The following CHRM3 variants were observed in gnomAD, a reference collection of about 807,000 sequenced individuals.
CHRM3 encodes muscarinic acetylcholine receptor M3.
In CHRM3, 11 loss-of-function variants were observed where a neutral mutation model predicts 41.8. The ratio of observed to expected loss-of-function variants is 0.26; its 90% confidence interval spans 0.17 to 0.44. The LOEUF is 0.44. CHRM3 is among the 20% of genes least tolerant of loss of function. CHRM3 has a pLI of 1.00. For missense variants in CHRM3, 571 were observed against 745.4 expected (o/e 0.77, Z 2.72); for synonymous variants, 297 against 301.4 (o/e 0.99, Z 0.15).
chr1:239,911,335 G>A lies in CHRM3; in HGVS notation c.*2111G>A, dbSNP rs951437183. 2.4e-5 allele frequency: 4 copies of A among 166,454 alleles called. No individual in the cohort carries two copies. The highest frequency in any genetic ancestry group is 6.6e-5 in the Admixed American group (1 of 15,218). The allele number at this position is 166,454 out of a possible 1,614,324, so 10.3% of individuals were successfully genotyped here. ...ACCAAAGAACAAGAAAGAAACAGAC[G>A]ATTTTCTAATATGTACACAGCAAAC... On this transcript the variant is annotated 3_prime_UTR_variant, in exon 7 of 7. Coordinates refer to ENST00000676153, the MANE Select transcript of CHRM3 (RefSeq NM_001375978.1).
chr1:239,833,047 C>A (rs1182409683), intron 6 of CHRM3, among the ~76,000 whole-genome samples: 1 of 152,096 alleles, frequency 6.6e-6, no homozygotes, highest in Non-Finnish European at 1.5e-5. Flanking sequence ...CTGACAAAAC[C>A]ATCTCTGGAC....
intron 5 of CHRM3, among the ~76,000 whole-genome samples, chr1:239,803,727 G>A (rs576505281): frequency 6.6e-6 from 1 of 152,286 alleles, no homozygotes; most frequent in South Asian, 2.1e-4. Flanking sequence ...GGAAGGCAGG[G>A]GGTAGGTGAT....
At chr1:239,573,032 A>C (rs1661976133) in intron 3 of CHRM3, among the ~76,000 whole-genome samples, 1 of 152,122 alleles carries the variant, frequency 6.6e-6, no homozygotes. Context: ...GTTCTTGGGC[A>C]TTTGGAGGGT....
chr1:239,741,428 T>C (rs1490762392), intron 5 of CHRM3, among the ~76,000 whole-genome samples: 1 of 152,148 alleles, frequency 6.6e-6, no homozygotes, highest in Non-Finnish European at 1.5e-5. Flanking sequence ...ATGACCTTCT[T>C]CAAGGAAGGT....
At chr1:239,499,104 G>A (rs1335373877) in intron 2 of CHRM3, among the ~76,000 whole-genome samples, 1 of 152,122 alleles carries the variant, frequency 6.6e-6, no homozygotes, top group Non-Finnish European at 1.5e-5. Context: ...TTGAAAGGTA[G>A]AAGTGCGTAT....
chr1:239,861,460 A>G (rs1439009571), intron 6 of CHRM3, among the ~76,000 whole-genome samples: 3 of 152,116 alleles, frequency 2.0e-5, no homozygotes, highest in Admixed American at 6.5e-5. Flanking sequence ...AAAAAGAAAC[A>G]TGACCAGCAT....
At chr1:239,764,381 A>G (rs1034897442) in intron 5 of CHRM3, among the ~76,000 whole-genome samples, 5 of 152,200 alleles carry the variant, frequency 3.3e-5, no homozygotes, top group Admixed American at 6.5e-5. Context: ...GAAGGAAAAG[A>G]GGAAAGAATT....
rs572790918 is a variant in CHRM3, at chr1:239,584,190, G to A, written c.-313+38441G>A. Among the ~76,000 whole-genome samples, 20 of 142,594 alleles carry A rather than the reference G, an allele frequency of 1.4e-4. No homozygotes were observed. The East Asian group carries it at 3.7e-3, about 26-fold the overall frequency. The allele number at this position is 142,594 out of a possible 152,430, so 93.5% of individuals were successfully genotyped here. A position where few individuals can be genotyped will look rare whatever the true frequency, so the allele number is the denominator to read the frequency against. On this transcript the variant is annotated intron_variant, in intron 3 of 6. Transcript: ENST00000676153. ...GCGATCTTGGCTCACTGCAACCTCC[G>A]CCTCCTGGGTTCAAGTGATTCTCCT...
rs998884541 is a variant in CHRM3, at chr1:239,911,265, A to C, written c.*2041A>C. The stretch of plus-strand genomic sequence containing the variant: ...TCATTTTACACAGGGAAAAAAAAAA[A>C]CAATCAGCATAATTGTAAGAATGAT... On this transcript the variant is annotated 3_prime_UTR_variant, in exon 7 of 7. Coordinates refer to ENST00000676153, the MANE Select transcript of CHRM3 (RefSeq NM_001375978.1). 2 of 166,698 alleles carry C rather than the reference A, an allele frequency of 1.2e-5. No homozygotes were observed. Among genetic ancestry groups the C allele is most frequent in the Admixed American group, 1.3e-4 (2 of 15,266 alleles). The allele number at this position is 166,698 out of a possible 1,614,324, so 10.3% of individuals were successfully genotyped here. A position where few individuals can be genotyped will look rare whatever the true frequency, so the allele number is the denominator to read the frequency against.
At chr1:239,862,237 A>T (rs1044304184) in intron 6 of CHRM3, among the ~76,000 whole-genome samples, 33 of 152,228 alleles carry the variant, frequency 2.2e-4, no homozygotes, top group Non-Finnish European at 4.4e-4. Context: ...CTTGTAGAAA[A>T]CACCACTATT....
intron 6 of CHRM3, among the ~76,000 whole-genome samples, chr1:239,848,247 G>A (rs1674430970): frequency 6.6e-6 from 1 of 152,092 alleles, no homozygotes; most frequent in East Asian, 1.9e-4. Flanking sequence ...CAAAATGAGA[G>A]GGAGGAGTTG....
intron 5 of CHRM3, among the ~76,000 whole-genome samples, chr1:239,817,879 C>G (rs1486455790): frequency 1.3e-5 from 2 of 152,198 alleles, no homozygotes; most frequent in South Asian, 2.1e-4. Context: ...AGCCACGCGA[C>G]TTTAGAGAAA....
chr1:239,599,607 G>T (rs1036647456), intron 3 of CHRM3, among the ~76,000 whole-genome samples: 1 of 151,948 alleles, frequency 6.6e-6, no homozygotes, highest in Non-Finnish European at 1.5e-5. Context: ...TTTCCATGGG[G>T]CTATGTCCTG....
intron 3 of CHRM3, among the ~76,000 whole-genome samples, chr1:239,623,493 T>TTA (rs1668656593): frequency 7.6e-6 from 1 of 130,970 alleles, no homozygotes; most frequent in African/African-American, 3.0e-5. Flanking sequence ...GTTTTTTTTT[T>TTA]TTTAATTTTT....
At chr1:239,530,639 T>C (rs534442612) in intron 2 of CHRM3, among the ~76,000 whole-genome samples, 2 of 152,302 alleles carry the variant, frequency 1.3e-5, no homozygotes, top group East Asian at 1.9e-4. Context: ...AGTATGTGCG[T>C]GATCCTTCAC....
At chr1:239,891,323 TA>T (rs1446538029) in intron 6 of CHRM3, among the ~76,000 whole-genome samples, 1 of 152,222 alleles carries the variant, frequency 6.6e-6, no homozygotes, top group Non-Finnish European at 1.5e-5. Flanking sequence ...TTTTTGTTTT[TA>T]TTAATAAATT....
At chr1:239,588,625 T>C (rs1323516917) in intron 3 of CHRM3, among the ~76,000 whole-genome samples, 2 of 152,278 alleles carry the variant, frequency 1.3e-5, no homozygotes, top group Non-Finnish European at 2.9e-5. Flanking sequence ...CAAAACATAT[T>C]TTTAACTGTC....
chr1:239,620,719 T>C (rs1668264285), intron 3 of CHRM3, among the ~76,000 whole-genome samples: 1 of 152,098 alleles, frequency 6.6e-6, no homozygotes, highest in African/African-American at 2.4e-5. Flanking sequence ...CTATATTGTT[T>C]ATAATAAGAA....
intron 5 of CHRM3, among the ~76,000 whole-genome samples, chr1:239,804,268 T>C (rs954623148): frequency 1.3e-5 from 2 of 152,044 alleles, no homozygotes; most frequent in African/African-American, 2.4e-5. Context: ...AAGAATGAGA[T>C]ACCATGATCA....
Sources: gnomAD v4.1 joint callset for allele counts (sites outside exome capture counted in the v4.1 genomes callset) on GRCh38, gnomAD v4.1.1 for gene constraint, MANE v1.5 for transcripts, NCBI Gene and HGNC (gene_info 2026-07-23, HGNC 2026-07-21) for gene names.